The following RANBP10 variants were observed in gnomAD, a reference collection of about 807,000 sequenced individuals.
The protein encoded by RANBP10 is ran-binding protein 10.
In RANBP10, 24 loss-of-function variants were observed where a neutral mutation model predicts 72.8. That is an observed-to-expected ratio of 0.33 (90% CI 0.24 to 0.46). The LOEUF (loss-of-function observed/expected upper bound fraction) is 0.46, where lower values mean the gene tolerates loss of function less well. Ranked by LOEUF, RANBP10 falls within the 20% of genes least tolerant of loss-of-function variation. RANBP10 has a pLI of 1.00. For missense variants in RANBP10, 679 were observed against 817.5 expected, an observed-to-expected ratio of 0.83 and a Z score of 2.07; for synonymous variants, 310 against 322.3, an observed-to-expected ratio of 0.96 and a Z score of 0.41.
In RANBP10 at chr16:67,730,595, G is replaced by A. The variant is rs1033790856; in HGVS notation, c.890-549C>T. On this transcript the variant is annotated intron_variant, in intron 7 of 13. Transcript: ENST00000317506. This position sits in a 1 kb window ranked among gnomAD's most constrained non-coding sequence, Gnocchi z 4.3. The stretch of plus-strand genomic sequence containing the variant: ...CACCTCTGATGTTGACACCTCTCAC[G>A]CCATCAGCATCTTGCTGCTGCCTTT... Among the ~76,000 whole-genome samples, 2 of 152,170 alleles carry A rather than the reference G, an allele frequency of 1.3e-5. No homozygotes were observed. The highest frequency in any genetic ancestry group is 6.5e-5 in the Admixed American group (1 of 15,284).
chr16:67,797,748 T>C (rs1469196783), intron 2 of RANBP10, among the ~76,000 whole-genome samples: 1 of 151,624 alleles, frequency 6.6e-6, no homozygotes, highest in Non-Finnish European at 1.5e-5. Flanking sequence ...GAGGCGGAGG[T>C]TGCAGTGAGC....
rs1825083395 is a variant in RANBP10, at chr16:67,727,365, C to T, written c.1694G>A (p.Arg565Lys). 1 of 1,613,646 alleles carries T rather than the reference C, an allele frequency of 6.2e-7. No individual in the cohort carries two copies. Residue 565 changes from arginine (R) to lysine (K), a missense_variant, in exon 13 of 14, where the codon AGG becomes AAG. Transcript: ENST00000317506. Reference sequence around the variant, plus strand: ...GTTGAGGGCAGCACACACAGGTTCCCTCTGGATGGGGTCAAGCTGCTGGCC... The same window carrying T: ...GTTGAGGGCAGCACACACAGGTTCCTTCTGGATGGGGTCAAGCTGCTGGCC... ...PVGQQLDPIQREPVCAALNSA... is the reference protein window; with the variant it reads ...PVGQQLDPIQKEPVCAALNSA...
At chr16:67,780,110 T>G (rs550245668) in intron 2 of RANBP10, among the ~76,000 whole-genome samples, 1 of 152,188 alleles carries the variant, frequency 6.6e-6, no homozygotes, top group South Asian at 2.1e-4. Context: ...CGGGTGCCTG[T>G]AGTCCCAGCT....
intron 2 of RANBP10, among the ~76,000 whole-genome samples, chr16:67,777,559 A>C (rs1193775184): frequency 6.6e-6 from 1 of 152,142 alleles, no homozygotes; most frequent in Non-Finnish European, 1.5e-5. Flanking sequence ...AAAAAAAGTA[A>C]AAAAACTTAA....
At chr16:67,776,461 CAAAAAAAAAAAAA>C (rs149876935) in intron 2 of RANBP10, among the ~76,000 whole-genome samples, 3 of 37,894 alleles carry the variant, frequency 7.9e-5, no homozygotes, top group African/African-American at 2.9e-4. Context: ...GACTCCATCT[CAAAAAAAAAAAAA>C]AAAAAAAAAA....
At chr16:67,739,875 T>C (rs1366583016) in intron 4 of RANBP10, 4 of 151,988 alleles carry the variant, frequency 2.6e-5, no homozygotes, top group African/African-American at 9.7e-5. Flanking sequence ...TAGAGGGGAG[T>C]GGGACCACAA....
intron 5 of RANBP10, among the ~76,000 whole-genome samples, chr16:67,736,770 T>C (rs2053856183): frequency 6.6e-6 from 1 of 152,232 alleles, no homozygotes. Flanking sequence ...CTGTTCTCTT[T>C]GCCTAGGACC....
chr16:67,806,110 G>A (rs1460659559), intron 1 of RANBP10, among the ~76,000 whole-genome samples, 192 bp downstream of exon 1: 1 of 152,232 alleles, frequency 6.6e-6, no homozygotes, highest in African/African-American at 2.4e-5. Flanking sequence ...TTGACGGCAG[G>A]TGTCTCAGGA....
chr16:67,767,062 T>G (rs2143011340), intron 3 of RANBP10, among the ~76,000 whole-genome samples: 1 of 152,296 alleles, frequency 6.6e-6, no homozygotes, highest in Non-Finnish European at 1.5e-5. Flanking sequence ...AGTGCACCCA[T>G]GAGGAAAATA....
chr16:67,728,652 C>T, intron 10 of RANBP10, 141 bp from the exon 11 acceptor site: 1 of 1,480,900 alleles, frequency 6.8e-7, no homozygotes, highest in South Asian at 1.3e-5. Context: ...GCTCAGGCTT[C>T]CAAGTCTTCA....
intron 2 of RANBP10, among the ~76,000 whole-genome samples, chr16:67,785,820 A>T (rs571090342): frequency 6.6e-6 from 1 of 151,014 alleles, no homozygotes; most frequent in East Asian, 1.9e-4. Context: ...AGGTCAGGAG[A>T]TCGAGACCAT....
chr16:67,791,455 T>C (rs772764758), intron 2 of RANBP10, among the ~76,000 whole-genome samples: 1 of 152,158 alleles, frequency 6.6e-6, no homozygotes, highest in Non-Finnish European at 1.5e-5. Context: ...AGGATGTCCC[T>C]ACACCCACAG....
Position 67,760,687 on chromosome 16 carries a change from GAA to G in RANBP10, c.400+11345_400+11346del, listed in dbSNP as rs554059566. Among the ~76,000 whole-genome samples the G allele has an allele frequency of 2.4e-3, 368 of 152,310 alleles. 1 individual carries two copies. Among genetic ancestry groups the G allele is most frequent in the African/African-American group, 8.1e-3 (338 of 41,574 alleles). On this transcript the variant is annotated intron_variant, in intron 3 of 13. Coordinates refer to ENST00000317506, the MANE Select transcript of RANBP10 (RefSeq NM_020850.3). ...TCCTTTTCCAACAGTTACAGTCAAGGAAAGTATGCTTCAACGGGCCTGATGCT... is the reference window on the plus strand; with the variant it reads ...TCCTTTTCCAACAGTTACAGTCAAGGAGTATGCTTCAACGGGCCTGATGCT...
intron 2 of RANBP10, among the ~76,000 whole-genome samples, chr16:67,792,528 G>A (rs994216288): frequency 2.7e-5 from 4 of 149,920 alleles, no homozygotes; most frequent in African/African-American, 7.4e-5. Context: ...CGCCACTGCA[G>A]TCCAGCCTGG....
chr16:67,757,678 G>A (rs1334375969), intron 3 of RANBP10, among the ~76,000 whole-genome samples: 1 of 152,204 alleles, frequency 6.6e-6, no homozygotes, highest in Non-Finnish European at 1.5e-5. Flanking sequence ...CTCAACAATG[G>A]ATAATGGGAA....
At position 67,729,240 on chromosome 16, in the gene RANBP10, A is replaced by G. The variant is rs766733138; in HGVS notation, c.1352+40T>C. 19 of 1,602,916 alleles carry G rather than the reference A, an allele frequency of 1.2e-5. No individual in the cohort carries two copies. The highest frequency in any genetic ancestry group is 1.6e-5 in the Non-Finnish European group (19 of 1,174,460). ...AGACTGCAATGGGCCCAGCTGGCATAAGGCAGAAGGCAGAGGAGGAAGCAG... is the reference window on the plus strand; with the variant it reads ...AGACTGCAATGGGCCCAGCTGGCATGAGGCAGAAGGCAGAGGAGGAAGCAG... On this transcript the variant is annotated intron_variant, in intron 10 of 13. Transcript: ENST00000317506. The surrounding 1 kb of genome is among the most constrained non-coding windows in gnomAD (Gnocchi z 7.1).
At position 67,734,934 on chromosome 16, in the gene RANBP10, G is replaced by A. The variant is rs757915871; in HGVS notation, c.700C>T (p.Arg234Cys). 8.1e-6 allele frequency: 13 copies of A among 1,613,852 alleles called. No individual in the cohort carries two copies. Among genetic ancestry groups the A allele is most frequent in the African/African-American group, 2.7e-5 (2 of 74,934 alleles). ...FDIEDYMREWRAKVQGTVHCF... is the reference protein window; with the variant it reads ...FDIEDYMREWCAKVQGTVHCF... ...TGGACCGTGCCCTGGACCTTGGCAC[G>A]CCACTCCCGCATGTAGTCCTCAATG... Residue 234 changes from arginine to cysteine, a missense_variant, in exon 6 of 14, where the codon CGT (arginine) becomes TGT (cysteine). Transcript: ENST00000317506.
intron 2 of RANBP10, among the ~76,000 whole-genome samples, chr16:67,779,160 C>G (rs2054766623): frequency 6.6e-6 from 1 of 151,996 alleles, no homozygotes; most frequent in Non-Finnish European, 1.5e-5. Flanking sequence ...TTTGGGAGGC[C>G]AAGGAGGGCT....
At chr16:67,733,236 C>T (rs1001665198) in intron 6 of RANBP10, among the ~76,000 whole-genome samples, 1 of 151,354 alleles carries the variant, frequency 6.6e-6, no homozygotes, top group Non-Finnish European at 1.5e-5. Context: ...TGTGGTGGTG[C>T]ATGCCTACAG....
Sources: gnomAD v4.1 joint callset for allele counts (sites outside exome capture counted in the v4.1 genomes callset) on GRCh38, gnomAD v4.1.1 for gene constraint, Gnocchi (gnomAD v3.1) non-coding constraint, MANE v1.5 for transcripts, NCBI Gene and HGNC (gene_info 2026-07-23, HGNC 2026-07-21) for gene names.